The following ACER3 variants were observed in gnomAD, a reference collection of about 807,000 sequenced individuals.
ACER3 encodes alkaline ceramidase 3, also known as alkCDase 3.
ACER3 carries 16 observed loss-of-function variants against 48.9 expected under a neutral mutation model. The observed-to-expected ratio is 0.33, with a 90% CI of 0.22 to 0.50. The LOEUF is 0.50. Among genes scored for constraint, ACER3 ranks in the 20% least tolerant of loss-of-function variants. The probability of loss-of-function intolerance (pLI) is 0.98; values close to 1 mark genes in which losing one functional copy is unlikely to be tolerated. For missense variants in ACER3, 227 were observed against 326.0 expected, an observed-to-expected ratio of 0.70 and a Z score of 2.34; for synonymous variants, 109 against 107.8, an observed-to-expected ratio of 1.01 and a Z score of -0.07.
intron 1 of ACER3, among the ~76,000 whole-genome samples, chr11:76,894,880 A>G (rs1192829639): frequency 7.9e-5 from 12 of 152,224 alleles, no homozygotes; most frequent in Admixed American, 7.9e-4. Context: ...TTAGGATCTT[A>G]ATCTGCATGG....
intron 5 of ACER3, among the ~76,000 whole-genome samples, chr11:76,989,936 C>T (rs1020074027): frequency 1.3e-5 from 2 of 152,150 alleles, no homozygotes; most frequent in African/African-American, 4.8e-5. Context: ...GCGAATGCAT[C>T]TAGAAGGTGA....
intron 1 of ACER3, among the ~76,000 whole-genome samples, chr11:76,916,622 A>G (rs1946536615): frequency 6.6e-6 from 1 of 150,492 alleles, no homozygotes; most frequent in African/African-American, 2.5e-5. Context: ...GGGCCCTTAA[A>G]GAAGTTTCGG....
At chr11:76,990,466 G>A in intron 5 of ACER3, 73 bp from the exon 6 acceptor site, 1 of 1,061,890 alleles carries the variant, frequency 9.4e-7, no homozygotes, top group Non-Finnish European at 1.5e-6. Context: ...GGGATTTGCA[G>A]AGTAATTGGA....
chr11:76,914,870 A>G (rs1002039351), intron 1 of ACER3, among the ~76,000 whole-genome samples: 2 of 152,236 alleles, frequency 1.3e-5, no homozygotes, highest in African/African-American at 4.8e-5. Flanking sequence ...GCAGCCATAA[A>G]AAAAGGATGA....
At chr11:76,872,141 A>G (rs1590861580) in intron 1 of ACER3, among the ~76,000 whole-genome samples, 1 of 150,198 alleles carries the variant, frequency 6.7e-6, no homozygotes, top group Non-Finnish European at 1.5e-5. Context: ...CAGTGGCACC[A>G]CCTTGGCTCA....
At chr11:76,872,882 TTTTCTTTC>T (rs1258712240) in intron 1 of ACER3, among the ~76,000 whole-genome samples, 1 of 150,864 alleles carries the variant, frequency 6.6e-6, no homozygotes, top group African/African-American at 2.4e-5. Context: ...TTTCTTTTTC[TTTTCTTTC>T]TTTCTTTCTT....
chr11:76,866,467 A>G (rs1945092860), intron 1 of ACER3, among the ~76,000 whole-genome samples: 1 of 152,228 alleles, frequency 6.6e-6, no homozygotes, highest in African/African-American at 2.4e-5. Context: ...ATGGTGATGT[A>G]CTTCTGTTAT....
intron 2 of ACER3, among the ~76,000 whole-genome samples, chr11:76,937,559 TTAAG>T (rs1464666581): frequency 2.0e-5 from 3 of 152,202 alleles, no homozygotes; most frequent in East Asian, 1.9e-4. Context: ...TATGGATATG[TTAAG>T]TAAGTAAAAG....
intron 1 of ACER3, chr11:76,868,006 C>A: frequency 3.6e-6 from 3 of 840,604 alleles, no homozygotes; most frequent in South Asian, 1.7e-5. Flanking sequence ...CTTGCTGCTG[C>A]AGCACAAGAC....
At chr11:76,875,006 A>C (rs981288592) in intron 1 of ACER3, among the ~76,000 whole-genome samples, 7 of 148,558 alleles carry the variant, frequency 4.7e-5, no homozygotes, top group African/African-American at 1.7e-4. Flanking sequence ...ATCTTGACTG[A>C]TTACTTCTTA....
intron 2 of ACER3, among the ~76,000 whole-genome samples, chr11:76,949,877 C>G (rs1465064711): frequency 6.6e-6 from 1 of 152,182 alleles, no homozygotes; most frequent in Non-Finnish European, 1.5e-5. Context: ...AATCTGGACT[C>G]TGTCTGCCTT....
intron 1 of ACER3, among the ~76,000 whole-genome samples, chr11:76,908,756 T>C (rs1946297479): frequency 6.6e-6 from 1 of 152,144 alleles, no homozygotes; most frequent in Admixed American, 6.5e-5. Context: ...CTTCACAGAA[T>C]TAGAAAAAAA....
At chr11:76,898,171 C>T (rs916185664) in intron 1 of ACER3, among the ~76,000 whole-genome samples, 1 of 151,842 alleles carries the variant, frequency 6.6e-6, no homozygotes, top group Non-Finnish European at 1.5e-5. Context: ...TGTAAATGTG[C>T]CATTAGTGTA....
At chr11:76,954,542 A>G (rs1325034674) in intron 2 of ACER3, among the ~76,000 whole-genome samples, 1 of 150,918 alleles carries the variant, frequency 6.6e-6, no homozygotes, top group East Asian at 1.9e-4. Flanking sequence ...TGATTCTCAT[A>G]GCTCTATAAC....
Position 77,016,794 on chromosome 11 carries a change from CT to C in ACER3, c.704+21del, listed in dbSNP as rs782091326. 2 of 1,389,426 alleles carry C rather than the reference CT, an allele frequency of 1.4e-6. No individual in the cohort carries two copies. Among genetic ancestry groups the C allele is most frequent in the South Asian group, 1.3e-5 (1 of 78,044 alleles). 86.1% of individuals were successfully genotyped at this position (1,389,426 alleles called of 1,614,324 possible). A position where few individuals can be genotyped will look rare whatever the true frequency, so the allele number is the denominator to read the frequency against. On this transcript the variant is annotated intron_variant, in intron 9 of 10. Transcript: ENST00000532485. ...ATCCTTTTCAGGTAGGAAATAGAGA[CT>C]TTTTTAGCCTCGTACTAGAGTTTGT...
chr11:76,914,244 C>T (rs1160968895), intron 1 of ACER3, among the ~76,000 whole-genome samples: 3 of 152,138 alleles, frequency 2.0e-5, no homozygotes, highest in Non-Finnish European at 4.4e-5. Flanking sequence ...AAGAAACTAT[C>T]ATCAGAGTGA....
chr11:76,966,627 C>G (rs1948144679), intron 3 of ACER3, among the ~76,000 whole-genome samples: 5 of 150,940 alleles, frequency 3.3e-5, no homozygotes, highest in Admixed American at 3.3e-4. Flanking sequence ...ACAGTGCAAT[C>G]AAACTAGAAC....
chr11:77,022,868 C>CA lies in ACER3; in HGVS notation c.*2565dup, dbSNP rs10565723. ...ATGGTGGCAGAGCGAGACTCCGTCTCAAAAAAAAAAAAAAAAAAAAAAAAG... is the reference window on the plus strand; with the variant it reads ...ATGGTGGCAGAGCGAGACTCCGTCTCAAAAAAAAAAAAAAAAAAAAAAAAAG... On this transcript the variant is annotated 3_prime_UTR_variant, in exon 11 of 11. Transcript: ENST00000532485. 2,787 of 279,642 alleles carry CA rather than the reference C, an allele frequency of 1.0e-2. 52 individuals are homozygous for CA. Among genetic ancestry groups the CA allele is most frequent in the African/African-American group, 0.041 (1,700 of 41,104 alleles). The allele number at this position is 279,642 out of a possible 1,614,324, so 17.3% of individuals were successfully genotyped here. A position where few individuals can be genotyped will look rare whatever the true frequency, so the allele number is the denominator to read the frequency against.
At chr11:76,942,973 A>G (rs902819420) in intron 2 of ACER3, among the ~76,000 whole-genome samples, 5 of 151,868 alleles carry the variant, frequency 3.3e-5, no homozygotes, top group African/African-American at 7.2e-5. Context: ...ATAGTTGTTT[A>G]TAATAGTCTC....
Sources: allele counts gnomAD v4.1 joint callset (sites outside exome capture counted in the v4.1 genomes callset), GRCh38; gene constraint gnomAD v4.1.1; transcripts MANE v1.5; gene names NCBI Gene and HGNC (gene_info 2026-07-23, HGNC 2026-07-21).